Variants in AFAP1L1 observed in about 807,000 individuals in gnomAD.
AFAP1L1 encodes actin filament associated protein 1 like 1, also known as actin filament-associated protein 1-like 1.
In AFAP1L1, 77 loss-of-function variants were observed where a neutral mutation model predicts 99.8. The observed-to-expected ratio is 0.77, with a 90% CI of 0.64 to 0.93. The LOEUF (loss-of-function observed/expected upper bound fraction) is 0.93, where lower values mean the gene tolerates loss of function less well. AFAP1L1 is among the 40% of genes least tolerant of loss of function. The pLI, the probability that AFAP1L1 is intolerant of heterozygous loss-of-function variation, is 0.00. For synonymous variants in AFAP1L1, 373 were observed against 395.3 expected (o/e 0.94, Z 0.67); for missense variants, 893 against 996.8 (o/e 0.90, Z 1.40).
chr5:149,324,277 A>G (rs1757034740), intron 15 of AFAP1L1, among the ~76,000 whole-genome samples: 1 of 152,238 alleles, frequency 6.6e-6, no homozygotes, highest in South Asian at 2.1e-4. Flanking sequence ...GTCTGAGATC[A>G]AGGTGGCAGC....
At chr5:149,325,827 A>G (rs1367293107) in intron 15 of AFAP1L1, among the ~76,000 whole-genome samples, 1 of 152,226 alleles carries the variant, frequency 6.6e-6, no homozygotes, top group East Asian at 1.9e-4. Context: ...GGAAGGGCAA[A>G]GAGGCAAAAG....
At position 149,271,923 on chromosome 5, in the gene AFAP1L1, A is replaced by G; in HGVS notation, c.-46A>G. ...CGCCGGCCGCTACCAGCCGCGCCGG[A>G]GCCCCTGCGCCCTGCGGCCCGCTCC... is the stretch of plus-strand genomic sequence containing the variant. On this transcript the variant is annotated 5_prime_UTR_variant, in exon 1 of 19. Transcript: ENST00000296721. 8.2e-7 allele frequency: 1 copy of G among 1,217,576 alleles called. No individual in the cohort carries two copies. Among genetic ancestry groups the G allele is most frequent in the South Asian group, 4.1e-5 (1 of 24,224 alleles). 75.4% of individuals were successfully genotyped at this position (1,217,576 alleles called of 1,614,324 possible).
At position 149,317,904 on chromosome 5, in the gene AFAP1L1, G is replaced by A; in HGVS notation, c.1443G>A (p.Arg481=). The A allele has an allele frequency of 1.3e-6, 2 of 1,589,608 alleles. No homozygotes were observed. The highest frequency in any genetic ancestry group is 1.7e-6 in the Non-Finnish European group (2 of 1,167,866). Residue 481 remains arginine, a synonymous_variant, in exon 12 of 19, where the codon AGG becomes AGA. Transcript: ENST00000296721. ...GGCCCCGACACCCATTTGCCTTCAG[G>A]ATCCTGCGCAACCGGCAGGAGGTGG... ...GFGPRHPFAF[R]ILRNRQEVAI...
chr5:149,287,568 CTATTTTTATT>C (rs1309007098), intron 1 of AFAP1L1, among the ~76,000 whole-genome samples: 1 of 151,818 alleles, frequency 6.6e-6, no homozygotes, highest in African/African-American at 2.4e-5. Context: ...ACCTGAGGTT[CTATTTTTATT>C]TATTTTTATT....
At chr5:149,281,408 A>G (rs1344903385) in intron 1 of AFAP1L1, among the ~76,000 whole-genome samples, 3 of 152,096 alleles carry the variant, frequency 2.0e-5, no homozygotes, top group Non-Finnish European at 2.9e-5. Flanking sequence ...TCCCTGCCAC[A>G]TCCACCTCTA....
At chr5:149,334,025 C>T (rs1474541473) in intron 17 of AFAP1L1, among the ~76,000 whole-genome samples, 1 of 151,964 alleles carries the variant, frequency 6.6e-6, no homozygotes, top group Admixed American at 6.6e-5. Flanking sequence ...CATTCCAGAC[C>T]CTTTACAGAA....
rs1757569018 is a variant in AFAP1L1, at chr5:149,341,822, C to T, written c.*1792C>T. The T allele has an allele frequency of 6.6e-6, 1 of 152,156 alleles. No individual in the cohort carries two copies. The highest frequency in any genetic ancestry group is 2.4e-5 in the African/African-American group (1 of 41,428). The allele number at this position is 152,156 out of a possible 1,614,324, so 9.4% of individuals were successfully genotyped here. A position where few individuals can be genotyped will look rare whatever the true frequency, so the allele number is the denominator to read the frequency against. ...TATCAGAAATGTCTGACTCACAAGC[C>T]TGTGTTCTTTCCACTGAAGAGGAAA... On this transcript the variant is annotated 3_prime_UTR_variant, in exon 19 of 19. Transcript: ENST00000296721.
At chr5:149,337,645 C>T (rs944007748) in intron 18 of AFAP1L1, among the ~76,000 whole-genome samples, 1 of 152,152 alleles carries the variant, frequency 6.6e-6, no homozygotes, top group Non-Finnish European at 1.5e-5. Context: ...GTGAACAAGA[C>T]AGATGAGGTC....
chr5:149,299,791 A>G (rs1375835449), intron 2 of AFAP1L1, among the ~76,000 whole-genome samples, 154 bp downstream of exon 2: 1 of 152,068 alleles, frequency 6.6e-6, no homozygotes, highest in Non-Finnish European at 1.5e-5. Context: ...ACAGCGTCCA[A>G]TGCATTCCAT....
rs1755883362 is a variant in AFAP1L1 at position 149,292,289 on chromosome 5, G to A, written c.17-7220G>A. Among the ~76,000 whole-genome samples, 3 of 152,308 alleles carry A rather than the reference G, an allele frequency of 2.0e-5. No individual in the cohort carries two copies. The East Asian group carries it at 5.8e-4, about 29-fold the overall frequency. On this transcript the variant is annotated intron_variant, in intron 1 of 18. Transcript: ENST00000296721. ...TCTCTAAATAAATCTGACCTTCTGA[G>A]CGCTAGTGTCCTTTCTGGTTGTGAT...
intron 1 of AFAP1L1, among the ~76,000 whole-genome samples, chr5:149,288,857 C>G (rs1167990882): frequency 6.6e-6 from 1 of 152,150 alleles, no homozygotes; most frequent in Admixed American, 6.5e-5. Context: ...GGACAAGAAC[C>G]TGGGCAGAGC....
intron 6 of AFAP1L1, among the ~76,000 whole-genome samples, chr5:149,306,772 T>C (rs1756427273): frequency 6.6e-6 from 1 of 152,224 alleles, no homozygotes; most frequent in Non-Finnish European, 1.5e-5. Flanking sequence ...ATAAATTTAT[T>C]GAGCATTTAT....
At chr5:149,307,818 T>TTCTCTCCCTCTCTCTC (rs1756473971) in intron 7 of AFAP1L1, among the ~76,000 whole-genome samples, 2 of 100,504 alleles carry the variant, frequency 2.0e-5, no homozygotes, top group Non-Finnish European at 3.8e-5. Flanking sequence ...GTGCCTCTCT[T>TTCTCTCCCTCTCTCTC]TCTCTCTCTC....
rs145828591 is a variant in AFAP1L1, at chr5:149,297,310, A to C, written c.17-2199A>C. 3.9e-3 allele frequency among the ~76,000 whole-genome samples: 592 copies of C among 152,188 alleles called. 2 individuals carry two copies. Among genetic ancestry groups the C allele is most frequent in the African/African-American group, 0.014 (572 of 41,508 alleles). ...CAGGCGCCTTTCGCCTGGGCTCTGG[A>C]GGCAAGCAGTGACCCCCCAGAGCTG... On this transcript the variant is annotated intron_variant, in intron 1 of 18. Coordinates refer to ENST00000296721, the MANE Select transcript of AFAP1L1 (RefSeq NM_152406.4).
intron 1 of AFAP1L1, among the ~76,000 whole-genome samples, chr5:149,272,522 C>A (rs1217137263): frequency 6.6e-6 from 1 of 152,192 alleles, no homozygotes; most frequent in Non-Finnish European, 1.5e-5. Context: ...GTGTCCTCGG[C>A]CCAGCCCTTC....
chr5:149,335,383 G>C (rs1235658049), intron 17 of AFAP1L1, among the ~76,000 whole-genome samples: 1 of 152,212 alleles, frequency 6.6e-6, no homozygotes, highest in Non-Finnish European at 1.5e-5. Context: ...AGCTACTCGA[G>C]AGGCTGAGGT....
chr5:149,323,067 A>T (rs140319230), intron 15 of AFAP1L1, among the ~76,000 whole-genome samples: 1 of 152,306 alleles, frequency 6.6e-6, no homozygotes, highest in African/African-American at 2.4e-5. Context: ...AATTACTTAA[A>T]AGAGGCCAGA....
chr5:149,273,704 C>G (rs967667304), intron 1 of AFAP1L1, among the ~76,000 whole-genome samples: 3 of 152,080 alleles, frequency 2.0e-5, no homozygotes, highest in Non-Finnish European at 4.4e-5. Flanking sequence ...TCTCACACCC[C>G]TCAGTCCTGC....
At chr5:149,302,366 T>C (rs1756250962) in intron 4 of AFAP1L1, 52 bp from the exon 5 acceptor site, 2 of 1,390,258 alleles carry the variant, frequency 1.4e-6, no homozygotes, top group Non-Finnish European at 2.0e-6. Flanking sequence ...CCTCAGCCTC[T>C]CTCTCCCTAC....
Sources: allele counts gnomAD v4.1 joint callset (sites outside exome capture counted in the v4.1 genomes callset), GRCh38; gene constraint gnomAD v4.1.1; transcripts MANE v1.5; gene names NCBI Gene and HGNC (gene_info 2026-07-23, HGNC 2026-07-21).